GPR158: variants seen among roughly 807,000 people sequenced by gnomAD.
GPR158 encodes the protein G protein-coupled receptor 158, also known as metabotropic glycine receptor.
In GPR158, 30 loss-of-function variants were observed where a neutral mutation model predicts 78.2. The ratio of observed to expected loss-of-function variants is 0.38; its 90% CI spans 0.29 to 0.52. GPR158 has a LOEUF of 0.52. Among genes scored for constraint, GPR158 ranks in the 20% least tolerant of loss-of-function variants. The pLI is 0.83. For missense variants in GPR158, 1,463 were observed against 1,523.5 expected (o/e 0.96, Z 0.66); for synonymous variants, 581 against 591.1 (o/e 0.98, Z 0.25).
intron 3 of GPR158, among the ~76,000 whole-genome samples, chr10:25,409,628 GA>G (rs1221789570): frequency 6.6e-6 from 1 of 152,092 alleles, no homozygotes; most frequent in Non-Finnish European, 1.5e-5. Context: ...TCCAGTGTTA[GA>G]AAAAGAGATA....
At chr10:25,391,190 C>G (rs1374070184) in intron 2 of GPR158, among the ~76,000 whole-genome samples, 2 of 149,724 alleles carry the variant, frequency 1.3e-5, no homozygotes, top group African/African-American at 2.5e-5. Context: ...TCATGAAGAA[C>G]CTCTTCTAGG....
intron 1 of GPR158, among the ~76,000 whole-genome samples, chr10:25,202,897 C>A (rs117713989): frequency 2.6e-5 from 4 of 152,194 alleles, no homozygotes; most frequent in African/African-American, 9.7e-5. Context: ...CCTATTTCTC[C>A]GTGTCCTCTC....
chr10:25,444,135 T>C (rs964686395), intron 4 of GPR158, among the ~76,000 whole-genome samples: 1 of 152,194 alleles, frequency 6.6e-6, no homozygotes, highest in Non-Finnish European at 1.5e-5. Context: ...AAATTACTCC[T>C]GGTGGTTGAA....
intron 2 of GPR158, among the ~76,000 whole-genome samples, chr10:25,384,352 T>C (rs1378743414): frequency 6.6e-6 from 1 of 152,170 alleles, no homozygotes; most frequent in Non-Finnish European, 1.5e-5. Context: ...CCATAAACTT[T>C]CAATGGCTCC....
At chr10:25,423,636 T>C (rs998147567) in intron 4 of GPR158, among the ~76,000 whole-genome samples, 1 of 152,212 alleles carries the variant, frequency 6.6e-6, no homozygotes, top group African/African-American at 2.4e-5. Context: ...ACATGCAGTA[T>C]TTGGTTCTCT....
chr10:25,292,813 A>G (rs1173068190), intron 2 of GPR158, among the ~76,000 whole-genome samples: 2 of 152,162 alleles, frequency 1.3e-5, no homozygotes, highest in Non-Finnish European at 2.9e-5. Flanking sequence ...CTGGTTAGAC[A>G]TGTATTTTCT....
chr10:25,348,077 T>G (rs998717266), intron 2 of GPR158, among the ~76,000 whole-genome samples: 2 of 151,950 alleles, frequency 1.3e-5, no homozygotes, highest in Non-Finnish European at 2.9e-5. Context: ...CATAGGGATC[T>G]GGGCCTGTGT....
rs1487951661 is a variant in GPR158, at chr10:25,433,918, G to T, written c.1335+21445G>T. Reference sequence around the variant, plus strand: ...CTCACGCCTGTAATCCCAGCACTTTGGGAGGCCGAGGTGGGTGGATCACGA... The same window carrying T: ...CTCACGCCTGTAATCCCAGCACTTTTGGAGGCCGAGGTGGGTGGATCACGA... On this transcript the variant is annotated intron_variant, in intron 4 of 10. Coordinates refer to ENST00000376351, the MANE Select transcript of GPR158 (RefSeq NM_020752.3). Among the ~76,000 whole-genome samples, 5 of 151,964 alleles carry T rather than the reference G, an allele frequency of 3.3e-5. No individual in the cohort carries two copies. The East Asian group carries it at 9.7e-4, about 29-fold the overall frequency.
At chr10:25,360,005 A>G (rs910620968) in intron 2 of GPR158, among the ~76,000 whole-genome samples, 6 of 152,178 alleles carry the variant, frequency 3.9e-5, no homozygotes, top group African/African-American at 1.4e-4. Flanking sequence ...CATTTCTCTA[A>G]TGACCAGCAA....
chr10:25,432,143 A>G (rs1287580585), intron 4 of GPR158, among the ~76,000 whole-genome samples: 2 of 152,218 alleles, frequency 1.3e-5, no homozygotes, highest in African/African-American at 4.8e-5. Flanking sequence ...AAACCAATCA[A>G]ACAAACCTCT....
intron 7 of GPR158, among the ~76,000 whole-genome samples, chr10:25,586,391 ATTTTTTT>A (rs71399977): frequency 1.2e-3 from 84 of 70,894 alleles, no homozygotes; most frequent in African/African-American, 4.1e-3. Flanking sequence ...GTATGTGTGA[ATTTTTTT>A]TTTTTTTTTT....
At chr10:25,342,556 A>G (rs562566874) in intron 2 of GPR158, among the ~76,000 whole-genome samples, 2 of 152,148 alleles carry the variant, frequency 1.3e-5, no homozygotes, top group African/African-American at 4.8e-5. Context: ...CAAAGAAAAT[A>G]AAAAGCACAT....
intron 2 of GPR158, among the ~76,000 whole-genome samples, chr10:25,288,305 G>A (rs975538862): frequency 4.6e-5 from 7 of 152,168 alleles, no homozygotes; most frequent in African/African-American, 1.7e-4. Context: ...TGATTAATCA[G>A]GGTACTTCAG....
intron 2 of GPR158, among the ~76,000 whole-genome samples, chr10:25,253,183 G>T (rs373599483): frequency 6.6e-6 from 1 of 152,244 alleles, no homozygotes; most frequent in Admixed American, 6.5e-5. Flanking sequence ...CGCGCACCGT[G>T]CGCGCACCCA....
intron 4 of GPR158, among the ~76,000 whole-genome samples, chr10:25,441,485 T>C (rs532242700): frequency 1.3e-5 from 2 of 152,348 alleles, no homozygotes; most frequent in South Asian, 4.1e-4. Flanking sequence ...GTGACTGCTC[T>C]TTCCAATGAA....
At chr10:25,202,387 A>T (rs1400091906) in intron 1 of GPR158, among the ~76,000 whole-genome samples, 2 of 151,994 alleles carry the variant, frequency 1.3e-5, no homozygotes, top group African/African-American at 4.8e-5. Context: ...ATTTCCCCTA[A>T]TGCTATCTCT....
intron 1 of GPR158, among the ~76,000 whole-genome samples, chr10:25,180,416 A>G (rs1292508321): frequency 6.6e-6 from 1 of 152,214 alleles, no homozygotes; most frequent in Non-Finnish European, 1.5e-5. Flanking sequence ...TGAAGCCTGT[A>G]TAGTCTTTCC....
chr10:25,220,313 CAGAG>C (rs1853281569), intron 1 of GPR158, among the ~76,000 whole-genome samples: 1 of 152,278 alleles, frequency 6.6e-6, no homozygotes, highest in African/African-American at 2.4e-5. Flanking sequence ...CTTAGGAAAA[CAGAG>C]AGAGAAAGTT....
At chr10:25,445,483 T>C (rs12770990) in intron 4 of GPR158, among the ~76,000 whole-genome samples, 27,459 of 152,136 alleles carry the variant, frequency 0.18, 2,990 homozygotes, top group African/African-American at 0.32. Context: ...AGCAGACCAT[T>C]ATAAAGATTT....
Sources: allele counts gnomAD v4.1 joint callset (sites outside exome capture counted in the v4.1 genomes callset), GRCh38; gene constraint gnomAD v4.1.1; transcripts MANE v1.5; gene names NCBI Gene and HGNC (gene_info 2026-07-23, HGNC 2026-07-21).